The following CYP4X1 variants were observed in gnomAD, a reference collection of about 807,000 sequenced individuals.
CYP4X1 encodes the protein cytochrome P450 family 4 subfamily X member 1, also known as cytochrome P450 4X1.
Under a neutral mutation model 57.9 loss-of-function variants are expected in CYP4X1, and 44 were observed. The ratio of observed to expected loss-of-function variants is 0.76; its 90% CI spans 0.60 to 0.98. The LOEUF is 0.98. CYP4X1 is among the 50% of genes least tolerant of loss of function. CYP4X1 has a pLI of 0.00. For synonymous variants in CYP4X1, 227 were observed against 228.6 expected (o/e 0.99, Z 0.06); for missense variants, 532 against 623.9 (o/e 0.85, Z 1.57).
intron 7 of CYP4X1, 62 bp from the exon 8 acceptor site, chr1:47,039,278 GGT>G: frequency 7.2e-7 from 1 of 1,395,658 alleles, no homozygotes; most frequent in Non-Finnish European, 9.7e-7. Flanking sequence ...TCATTATTGT[GGT>G]TGTATCTCCA....
chr1:46,991,429 G>C, the CYP4X1 span, among the ~76,000 whole-genome samples: 2 of 152,238 alleles, frequency 1.3e-5, no homozygotes, highest in African/African-American at 2.4e-5. Flanking sequence ...GGAATTCCAC[G>C]CTTACCTCCC....
At chr1:46,964,828 C>A in the CYP4X1 span, among the ~76,000 whole-genome samples, 1 of 152,330 alleles carries the variant, frequency 6.6e-6, no homozygotes, top group African/African-American at 2.4e-5. Flanking sequence ...CTATGCCCTG[C>A]CCCCAGTGGT....
rs577883130 is a variant in CYP4X1, at chr1:47,035,294, G to C, written c.493-512G>C. ...GTTAAGCCAGGTCAGGCTTTGCTGG[G>C]GGCAGCTCCCTGCAGCAGCTCCTCT... On this transcript the variant is annotated intron_variant, in intron 4 of 11. Coordinates refer to ENST00000371901, the MANE Select transcript of CYP4X1 (RefSeq NM_178033.2). Among the ~76,000 whole-genome samples, 3 of 152,164 alleles carry C rather than the reference G, an allele frequency of 2.0e-5. No individual in the cohort carries two copies. The South Asian group carries it at 6.2e-4, about 32-fold the overall frequency.
At chr1:47,044,887 ATCTC>A (rs1644284476) in intron 8 of CYP4X1, among the ~76,000 whole-genome samples, 1 of 151,320 alleles carries the variant, frequency 6.6e-6, no homozygotes, top group Non-Finnish European at 1.5e-5. Context: ...CAGTGGCGCA[ATCTC>A]TCAGCTTACC....
At chr1:47,013,759 CTTTTT>C in the CYP4X1 span, among the ~76,000 whole-genome samples, 1 of 122,114 alleles carries the variant, frequency 8.2e-6, no homozygotes, top group Non-Finnish European at 1.7e-5. Flanking sequence ...TCAATATACT[CTTTTT>C]TTTTTTTTTT....
chr1:47,008,243 G>C, the CYP4X1 span, among the ~76,000 whole-genome samples: 1 of 152,200 alleles, frequency 6.6e-6, no homozygotes, highest in Non-Finnish European at 1.5e-5. Flanking sequence ...AACTCTACAA[G>C]CCAGAAGAGA....
At chr1:46,961,677 G>A in the CYP4X1 span, 2 of 1,291,654 alleles carry the variant, frequency 1.5e-6, no homozygotes, top group Admixed American at 2.3e-5. Context: ...GAACCCCCTA[G>A]TCTCTATTTG....
the CYP4X1 span, among the ~76,000 whole-genome samples, chr1:46,978,783 C>A: frequency 5.9e-5 from 9 of 152,178 alleles, no homozygotes; most frequent in Non-Finnish European, 1.0e-4. Flanking sequence ...GTCTCTCAGA[C>A]CACAGTGCAA....
the CYP4X1 span, among the ~76,000 whole-genome samples, chr1:46,978,898 G>A: frequency 6.6e-6 from 1 of 152,102 alleles, no homozygotes; most frequent in Non-Finnish European, 1.5e-5. Flanking sequence ...CGAAATGAAG[G>A]CAGAAATAAA....
chr1:46,981,308 A>AAAAGTGG, the CYP4X1 span, among the ~76,000 whole-genome samples: 1 of 152,230 alleles, frequency 6.6e-6, no homozygotes, highest in Admixed American at 6.5e-5. Context: ...CACTCCATCA[A>AAAAGTGG]AAAGTGGGCA....
chr1:46,999,635 T>A, the CYP4X1 span, among the ~76,000 whole-genome samples: 2 of 152,182 alleles, frequency 1.3e-5, no homozygotes, highest in Non-Finnish European at 2.9e-5. Context: ...GTTTTTATAG[T>A]TCCTTAGGTG....
the CYP4X1 span, among the ~76,000 whole-genome samples, chr1:46,988,059 G>C: frequency 6.6e-6 from 1 of 152,026 alleles, no homozygotes; most frequent in South Asian, 2.1e-4. Flanking sequence ...GGAGATAAGA[G>C]ACATAAAAAA....
At chr1:47,015,746 G>A in the CYP4X1 span, among the ~76,000 whole-genome samples, 3 of 152,110 alleles carry the variant, frequency 2.0e-5, no homozygotes. Flanking sequence ...CAACAAGACT[G>A]TCTAAAAAAA....
chr1:47,053,706 T>C (rs1296185176), downstream of CYP4X1, among the ~76,000 whole-genome samples: 1 of 152,252 alleles, frequency 6.6e-6, no homozygotes, highest in Non-Finnish European at 1.5e-5. Context: ...TTTGGCTGCA[T>C]AAATGTCCTC....
chr1:47,017,647 G>A, the CYP4X1 span, among the ~76,000 whole-genome samples: 2 of 152,100 alleles, frequency 1.3e-5, no homozygotes, highest in Non-Finnish European at 2.9e-5. Flanking sequence ...ATTCAATGTC[G>A]TCCCTCTGCT....
the CYP4X1 span, among the ~76,000 whole-genome samples, chr1:46,989,187 A>T: frequency 3.3e-4 from 51 of 152,282 alleles, no homozygotes; most frequent in African/African-American, 1.2e-3. Context: ...AGCTGATAAG[A>T]AACTTCAGCA....
At chr1:46,983,171 G>A in the CYP4X1 span, among the ~76,000 whole-genome samples, 2 of 152,150 alleles carry the variant, frequency 1.3e-5, no homozygotes, top group African/African-American at 4.8e-5. Flanking sequence ...CCCCAGCCTG[G>A]TGGCAGCAAG....
At chr1:47,038,039 T>TA in intron 6 of CYP4X1, among the ~76,000 whole-genome samples, 1 of 152,300 alleles carries the variant, frequency 6.6e-6, no homozygotes, top group Non-Finnish European at 1.5e-5. Flanking sequence ...TCTACCAATG[T>TA]ACCAGAATCA....
chr1:46,983,391 C>T, the CYP4X1 span, among the ~76,000 whole-genome samples: 3 of 152,190 alleles, frequency 2.0e-5, no homozygotes, highest in Admixed American at 6.5e-5. Flanking sequence ...AGCCATTGTG[C>T]CATGTTAGAG....
Sources: allele counts gnomAD v4.1 joint callset (sites outside exome capture counted in the v4.1 genomes callset), GRCh38; gene constraint gnomAD v4.1.1; transcripts MANE v1.5; gene names NCBI Gene and HGNC (gene_info 2026-07-23, HGNC 2026-07-21).